GPC5: variants seen among roughly 807,000 people sequenced by gnomAD.
The protein encoded by GPC5 is glypican-5.
GPC5 carries 47 observed loss-of-function variants against 53.9 expected under a neutral mutation model. The observed-to-expected ratio is 0.87, with a 90% CI of 0.69 to 1.11. The LOEUF (loss-of-function observed/expected upper bound fraction) is 1.11. Ranked by LOEUF, GPC5 falls within the 50% of genes most tolerant of loss-of-function variation. The pLI is 0.00. For missense variants in GPC5, 748 were observed against 713.1 expected, an observed-to-expected ratio of 1.05 and a Z score of -0.56; for synonymous variants, 286 against 263.3, an observed-to-expected ratio of 1.09 and a Z score of -0.84.
At chr13:92,183,737 G>A (rs1185113207) in intron 7 of GPC5, among the ~76,000 whole-genome samples, 1 of 151,872 alleles carries the variant, frequency 6.6e-6, no homozygotes, top group Non-Finnish European at 1.5e-5. Flanking sequence ...GTCTAATTTT[G>A]TGGTTTTTAA....
chr13:92,540,050 C>T (rs1018238834), intron 7 of GPC5, among the ~76,000 whole-genome samples: 2 of 151,898 alleles, frequency 1.3e-5, no homozygotes, highest in African/African-American at 4.8e-5. Context: ...GATTAACTGA[C>T]TTTGGTTTTC....
At chr13:91,684,114 T>C (rs974122178) in intron 2 of GPC5, among the ~76,000 whole-genome samples, 4 of 152,184 alleles carry the variant, frequency 2.6e-5, no homozygotes, top group Admixed American at 2.6e-4. Flanking sequence ...TCTGGGACAC[T>C]CCGTTTTCCT....
At chr13:92,716,930 C>T (rs914257783) in intron 7 of GPC5, among the ~76,000 whole-genome samples, 3 of 152,088 alleles carry the variant, frequency 2.0e-5, no homozygotes, top group African/African-American at 4.8e-5. Context: ...CTACAGAGGG[C>T]AGCATAGATA....
intron 2 of GPC5, among the ~76,000 whole-genome samples, chr13:91,658,385 T>A (rs906279883): frequency 6.3e-4 from 88 of 140,288 alleles, no homozygotes; most frequent in Admixed American, 2.7e-3. Flanking sequence ...TTTGGGGGAA[T>A]TTTTTGGGGG....
At chr13:91,642,782 G>A (rs934408458) in intron 2 of GPC5, among the ~76,000 whole-genome samples, 1 of 151,064 alleles carries the variant, frequency 6.6e-6, no homozygotes, top group African/African-American at 2.4e-5. Context: ...GCATTGGAAA[G>A]GAAACTATTG....
chr13:92,361,966 C>T (rs71427563), intron 7 of GPC5, among the ~76,000 whole-genome samples: 1,539 of 151,592 alleles, frequency 0.01, 30 homozygotes, highest in Middle Eastern at 0.048. Flanking sequence ...CAAATTTTGA[C>T]TTTTTTCTAT....
At chr13:91,882,857 T>C (rs1433116644) in intron 5 of GPC5, among the ~76,000 whole-genome samples, 1 of 152,064 alleles carries the variant, frequency 6.6e-6, no homozygotes, top group East Asian at 1.9e-4. Flanking sequence ...ATTATGTGTT[T>C]TTTAAAAGGT....
At chr13:92,554,368 A>G (rs1463817853) in intron 7 of GPC5, among the ~76,000 whole-genome samples, 1 of 151,874 alleles carries the variant, frequency 6.6e-6, no homozygotes. Flanking sequence ...CAATAACATC[A>G]AAAATGTAGA....
At position 92,200,778 on chromosome 13, in the gene GPC5, G is replaced by A. The variant is rs375433485; in HGVS notation, c.1561+55789G>A. Among the ~76,000 whole-genome samples the A allele has an allele frequency of 9.2e-5, 14 of 152,342 alleles. No individual in the cohort carries two copies. The East Asian group carries it at 1.4e-3, about 15-fold the overall frequency. ...AAAGAATTAGGTACAATGATTGGAC[G>A]AGCCCTGGTCAGGTGGCATCATTAA... On this transcript the variant is annotated intron_variant, in intron 7 of 7. Transcript: ENST00000377067.
intron 7 of GPC5, among the ~76,000 whole-genome samples, chr13:92,701,869 A>G (rs1887755844): frequency 6.6e-6 from 1 of 152,168 alleles, no homozygotes; most frequent in African/African-American, 2.4e-5. Flanking sequence ...ATACTAGGGA[A>G]AATAAAAGCT....
intron 6 of GPC5, among the ~76,000 whole-genome samples, chr13:92,133,638 A>G (rs1163199001): frequency 3.3e-5 from 5 of 152,078 alleles, no homozygotes; most frequent in Non-Finnish European, 5.9e-5. Context: ...TCTCCCTTCT[A>G]TGCTTTTTGT....
At chr13:91,559,826 TGCAAGGGGGGAAATTTCA>T (rs1205181088) in intron 2 of GPC5, among the ~76,000 whole-genome samples, 1 of 152,088 alleles carries the variant, frequency 6.6e-6, no homozygotes, top group Non-Finnish European at 1.5e-5. Context: ...CTAGACCCAT[TGCAAGGGGGGAAATTTCA>T]GCATACTCCA....
At chr13:91,887,871 T>A (rs778290661) in intron 5 of GPC5, among the ~76,000 whole-genome samples, 47 of 152,064 alleles carry the variant, frequency 3.1e-4, no homozygotes, top group South Asian at 8.3e-4. Context: ...GCTGTCCAAG[T>A]CTCTAGGAAG....
chr13:91,573,123 C>T (rs993133778), intron 2 of GPC5, among the ~76,000 whole-genome samples: 2 of 152,112 alleles, frequency 1.3e-5, no homozygotes, highest in Non-Finnish European at 2.9e-5. Flanking sequence ...GTTGCTGTAA[C>T]GAGTTGGGCA....
intron 7 of GPC5, among the ~76,000 whole-genome samples, chr13:92,644,155 T>C (rs891255059): frequency 1.3e-5 from 2 of 152,196 alleles, no homozygotes; most frequent in African/African-American, 4.8e-5. Context: ...CAATCTCATC[T>C]AGTGTTTAAG....
chr13:92,083,189 T>A (rs189734271), intron 6 of GPC5, among the ~76,000 whole-genome samples: 28 of 152,324 alleles, frequency 1.8e-4, no homozygotes, highest in African/African-American at 6.7e-4. Flanking sequence ...AGCTCCCTCT[T>A]TCTGTTTGCT....
intron 5 of GPC5, among the ~76,000 whole-genome samples, chr13:91,860,034 C>A (rs7991722): frequency 0.19 from 28,719 of 151,830 alleles, 2,995 homozygotes; most frequent in East Asian, 0.31. Context: ...ATTAGCATAT[C>A]CATCATTGCA....
Position 91,663,705 on chromosome 13 carries a change from C to T in GPC5, c.326-29482C>T, listed in dbSNP as rs76871960. On this transcript the variant is annotated intron_variant, in intron 2 of 7. Coordinates refer to ENST00000377067, the MANE Select transcript of GPC5 (RefSeq NM_004466.6). ...TCTCTAACTCCTGGCCTGAAGCAGT[C>T]TTCCCACATCAGCCTCCTGAGTTGT... Among the ~76,000 whole-genome samples the T allele has an allele frequency of 2.5e-3, 382 of 152,232 alleles. 7 individuals carry two copies. The East Asian group carries it at 0.066, about 26-fold the overall frequency.
At chr13:92,533,062 T>C (rs1193404244) in intron 7 of GPC5, among the ~76,000 whole-genome samples, 1 of 152,218 alleles carries the variant, frequency 6.6e-6, no homozygotes, top group East Asian at 1.9e-4. Flanking sequence ...TATTCTTCAG[T>C]ATAAATGCAG....
Sources: gnomAD v4.1 joint callset for allele counts (sites outside exome capture counted in the v4.1 genomes callset) on GRCh38, gnomAD v4.1.1 for gene constraint, MANE v1.5 for transcripts, NCBI Gene and HGNC (gene_info 2026-07-23, HGNC 2026-07-21) for gene names.